NCKAP5: variants seen among roughly 807,000 people sequenced by gnomAD.
NCKAP5 encodes the protein nck-associated protein 5.
NCKAP5 carries 92 observed loss-of-function variants against 167.0 expected under a neutral mutation model. That is an observed-to-expected ratio of 0.55 (90% CI 0.47 to 0.66). The LOEUF (loss-of-function observed/expected upper bound fraction) is 0.66. Ranked by LOEUF, NCKAP5 falls within the 30% of genes least tolerant of loss-of-function variation. The probability of loss-of-function intolerance (pLI) is 0.00; values close to 1 mark genes in which losing one functional copy is unlikely to be tolerated. For synonymous variants in NCKAP5, 891 were observed against 877.4 expected (o/e 1.02, Z -0.27); for missense variants, 2,378 against 2,315.0 (o/e 1.03, Z -0.56).
At chr2:133,320,460 G>A (rs1681953117) in intron 3 of NCKAP5, among the ~76,000 whole-genome samples, 1 of 152,126 alleles carries the variant, frequency 6.6e-6, no homozygotes, top group African/African-American at 2.4e-5. Flanking sequence ...TGGGTGCGGT[G>A]GCTCACGCCT....
the NCKAP5 span, among the ~76,000 whole-genome samples, chr2:133,647,376 A>AAGAAAGG: frequency 2.4e-5 from 2 of 82,526 alleles, no homozygotes; most frequent in African/African-American, 1.1e-4. Context: ...AGGAAGAAAG[A>AAGAAAGG]AAGGAAGGAA....
chr2:132,841,674 A>G (rs1350374562), intron 11 of NCKAP5, among the ~76,000 whole-genome samples: 2 of 152,040 alleles, frequency 1.3e-5, no homozygotes, highest in Non-Finnish European at 2.9e-5. Flanking sequence ...ATTATACTTA[A>G]TTGGTTTCCA....
chr2:133,611,872 A>G, the NCKAP5 span, among the ~76,000 whole-genome samples: 1 of 152,216 alleles, frequency 6.6e-6, no homozygotes, highest in Non-Finnish European at 1.5e-5. Context: ...TTTCATTCTG[A>G]GCACAGCCTA....
chr2:133,647,658 GGA>G, the NCKAP5 span, among the ~76,000 whole-genome samples: 1 of 117,156 alleles, frequency 8.5e-6, no homozygotes, highest in Non-Finnish European at 1.7e-5. Flanking sequence ...AGAGAGAGAG[GGA>G]GAGAGAGAGG....
chr2:133,571,218 C>T (rs1333991298), upstream of NCKAP5, among the ~76,000 whole-genome samples: 4 of 151,922 alleles, frequency 2.6e-5, no homozygotes, highest in Non-Finnish European at 4.4e-5. Flanking sequence ...TTTTATGGCC[C>T]ACATATTATA....
chr2:133,618,915 A>G, the NCKAP5 span, among the ~76,000 whole-genome samples: 1 of 146,768 alleles, frequency 6.8e-6, no homozygotes, highest in African/African-American at 2.5e-5. Context: ...CAAATGTCCA[A>G]CAATGATAGA....
chr2:133,207,691 G>A (rs1333322873), intron 5 of NCKAP5, among the ~76,000 whole-genome samples: 1 of 152,078 alleles, frequency 6.6e-6, no homozygotes, highest in Non-Finnish European at 1.5e-5. Context: ...CAAGATGGGA[G>A]CATGTCAAAA....
intron 8 of NCKAP5, among the ~76,000 whole-genome samples, chr2:132,910,339 T>C (rs1344363695): frequency 6.6e-6 from 1 of 152,172 alleles, no homozygotes; most frequent in Non-Finnish European, 1.5e-5. Context: ...TGTGCTATCA[T>C]ATAGTAGCTC....
chr2:132,825,522 G>A (rs960941354), intron 11 of NCKAP5, among the ~76,000 whole-genome samples: 9 of 152,170 alleles, frequency 5.9e-5, no homozygotes, highest in African/African-American at 2.2e-4. Flanking sequence ...AAATCAATAG[G>A]AATGTATTCA....
the NCKAP5 span, among the ~76,000 whole-genome samples, chr2:133,605,347 T>G: frequency 2.6e-5 from 4 of 152,144 alleles, no homozygotes; most frequent in African/African-American, 9.7e-5. Context: ...GGTAGGGATA[T>G]TTGTGTGGTC....
rs1485672220 is a variant in NCKAP5, at chr2:133,036,158, TAACAA to T, written c.342-41924_342-41920del. 2.5e-3 allele frequency among the ~76,000 whole-genome samples: 379 copies of T among 151,752 alleles called. 2 individuals are homozygous for T. Among genetic ancestry groups the T allele is most frequent in the African/African-American group, 8.1e-3 (336 of 41,460 alleles). ...GAAACCTGAACAGACCAATAACAAATAACAAGATCGATGCCACAATAAAAATCTTC... is the reference window on the plus strand; with the variant it reads ...GAAACCTGAACAGACCAATAACAAATGATCGATGCCACAATAAAAATCTTC... On this transcript the variant is annotated intron_variant, in intron 6 of 19. Coordinates refer to ENST00000409261, the MANE Select transcript of NCKAP5 (RefSeq NM_207363.3).
chr2:133,484,624 CACACCTG>C (rs1421562170), intron 3 of NCKAP5, among the ~76,000 whole-genome samples: 1 of 152,072 alleles, frequency 6.6e-6, no homozygotes, highest in Non-Finnish European at 1.5e-5. Flanking sequence ...TGGAAAATTC[CACACCTG>C]ACACCTTTGC....
At chr2:133,589,454 A>G in the NCKAP5 span, among the ~76,000 whole-genome samples, 4 of 152,242 alleles carry the variant, frequency 2.6e-5, no homozygotes, top group Admixed American at 2.6e-4. Flanking sequence ...ATACCTAGCA[A>G]GCATCCAAAT....
chr2:132,712,181 C>T (rs1295025224), intron 19 of NCKAP5, among the ~76,000 whole-genome samples: 1 of 152,124 alleles, frequency 6.6e-6, no homozygotes, highest in Non-Finnish European at 1.5e-5. Flanking sequence ...GAAACACTGG[C>T]AGTCAGAGGA....
intron 3 of NCKAP5, among the ~76,000 whole-genome samples, chr2:133,438,890 A>C (rs949392736): frequency 6.6e-6 from 1 of 152,252 alleles, no homozygotes; most frequent in Non-Finnish European, 1.5e-5. Flanking sequence ...ACATAAACTT[A>C]AAACCTGACT....
chr2:133,459,441 CTA>C (rs1395361785), intron 3 of NCKAP5, among the ~76,000 whole-genome samples: 1 of 152,092 alleles, frequency 6.6e-6, no homozygotes, highest in Non-Finnish European at 1.5e-5. Context: ...CCTCTGGGGC[CTA>C]TCAGAGGAGG....
At chr2:133,503,742 T>TA (rs777781118) in intron 3 of NCKAP5, among the ~76,000 whole-genome samples, 11 of 152,244 alleles carry the variant, frequency 7.2e-5, no homozygotes, top group Admixed American at 2.0e-4. Context: ...TCATCCTACT[T>TA]AATTCCTCAT....
At chr2:133,259,452 G>T (rs16822683) in intron 4 of NCKAP5, among the ~76,000 whole-genome samples, 4,321 of 152,192 alleles carry the variant, frequency 0.028, 188 homozygotes, top group African/African-American at 0.098. Context: ...TTAAATAAAT[G>T]GTATGTTTTA....
At chr2:132,756,094 T>C (rs977114452) in intron 16 of NCKAP5, among the ~76,000 whole-genome samples, 3 of 152,042 alleles carry the variant, frequency 2.0e-5, no homozygotes, top group Non-Finnish European at 4.4e-5. Context: ...AGGAGGCCTG[T>C]GTGACCATAG....
Sources: gnomAD v4.1 joint callset for allele counts (sites outside exome capture counted in the v4.1 genomes callset) on GRCh38, gnomAD v4.1.1 for gene constraint, MANE v1.5 for transcripts, NCBI Gene and HGNC (gene_info 2026-07-23, HGNC 2026-07-21) for gene names.